BMPR1A: variants seen among roughly 807,000 people sequenced by gnomAD.
The protein encoded by BMPR1A is bone morphogenetic protein receptor type-1A.
BMPR1A carries 7 observed loss-of-function variants against 66.0 expected under a neutral mutation model. The ratio of observed to expected loss-of-function variants is 0.11; its 90% CI spans 0.06 to 0.20. The LOEUF (loss-of-function observed/expected upper bound fraction) is 0.20, where lower values mean the gene tolerates loss of function less well. Ranked by LOEUF, BMPR1A falls within the 10% of genes least tolerant of loss-of-function variation. The pLI is 1.00. For missense variants in BMPR1A, 408 were observed against 669.1 expected, an observed-to-expected ratio of 0.61 and a Z score of 4.31; for synonymous variants, 200 against 229.7, an observed-to-expected ratio of 0.87 and a Z score of 1.17.
chr10:86,892,270 G>C, intron 5 of BMPR1A, 41 bp downstream of exon 5: 2 of 1,516,912 alleles, frequency 1.3e-6, no homozygotes, highest in Non-Finnish European at 1.8e-6. Context: ...AGAAGGGAGG[G>C]GCCATATGAA....
intron 8 of BMPR1A, among the ~76,000 whole-genome samples, chr10:86,915,685 C>T (rs1338602670): frequency 2.0e-5 from 3 of 152,110 alleles, no homozygotes; most frequent in Admixed American, 2.0e-4. Flanking sequence ...CTGAGATTGG[C>T]CGCCGCACTC....
At position 86,920,108 on chromosome 10, in the gene BMPR1A, A is replaced by AG. The variant is rs1400197364; in HGVS notation, c.1166+641dup. On this transcript the variant is annotated intron_variant, in intron 10 of 12. Transcript: ENST00000372037. ...TTAAGACCCAACTGATGAACATTAA[A>AG]GGTGTCTTCAGTTGATTATGAAAAG... is the stretch of plus-strand genomic sequence containing the variant. 2.6e-5 allele frequency among the ~76,000 whole-genome samples: 4 copies of AG among 152,304 alleles called. No individual in the cohort carries two copies. In the East Asian group the frequency reaches 7.7e-4, roughly 29 times the overall value.
Position 86,858,518 on chromosome 10 carries a change from A to C in BMPR1A, c.-152-17349A>C, listed in dbSNP as rs112611138. 5.5e-3 allele frequency among the ~76,000 whole-genome samples: 838 copies of C among 152,306 alleles called. 7 individuals carry two copies. Among genetic ancestry groups the C allele is most frequent in the African/African-American group, 0.019 (793 of 41,572 alleles). On this transcript the variant is annotated intron_variant, in intron 2 of 12. Transcript: ENST00000372037. The stretch of plus-strand genomic sequence containing the variant: ...TTGGAAAGGAGGAAGTCGAATTGCC[A>C]CGATCATATATATATGTGGAAAACC...
intron 1 of BMPR1A, among the ~76,000 whole-genome samples, chr10:86,773,130 T>G (rs74153407): frequency 0.026 from 2,428 of 92,056 alleles, 76 homozygotes; most frequent in African/African-American, 0.19. Context: ...CTAGTTATCT[T>G]TTTTTTTTTT....
intron 2 of BMPR1A, among the ~76,000 whole-genome samples, chr10:86,842,677 A>T (rs915292236): frequency 1.3e-5 from 2 of 152,212 alleles, no homozygotes; most frequent in Non-Finnish European, 2.9e-5. Flanking sequence ...ACAAAGACAT[A>T]CCCAAGACTG....
At chr10:86,805,265 G>A (rs1237414788) in intron 1 of BMPR1A, among the ~76,000 whole-genome samples, 1 of 151,930 alleles carries the variant, frequency 6.6e-6, no homozygotes, top group African/African-American at 2.4e-5. Flanking sequence ...TAGAAAAGAT[G>A]TAGGAATACC....
chr10:86,923,556 T>C (rs769712062), intron 12 of BMPR1A, 38 bp from the exon 13 acceptor site: 16 of 1,614,108 alleles, frequency 9.9e-6, no homozygotes, highest in Non-Finnish European at 1.3e-5. Flanking sequence ...TGCCACCAAA[T>C]ATATTCTCTG....
At chr10:86,912,428 GA>G (rs1365825259) in intron 8 of BMPR1A, 44 bp downstream of exon 8, 4 of 1,607,342 alleles carry the variant, frequency 2.5e-6, no homozygotes, top group Non-Finnish European at 3.4e-6. Context: ...TGTTGATTTA[GA>G]ATGTGTCCTC....
At chr10:86,868,678 A>T (rs1052288080) in intron 2 of BMPR1A, among the ~76,000 whole-genome samples, 1 of 152,066 alleles carries the variant, frequency 6.6e-6, no homozygotes, top group African/African-American at 2.4e-5. Context: ...AAACTTCTCT[A>T]CTAGAAAGTG....
At chr10:86,788,899 G>T (rs747589100) in intron 1 of BMPR1A, among the ~76,000 whole-genome samples, 1 of 151,986 alleles carries the variant, frequency 6.6e-6, no homozygotes, top group Non-Finnish European at 1.5e-5. Context: ...GAGCCACTGC[G>T]CCCAGTTCTG....
At chr10:86,855,745 T>C in intron 2 of BMPR1A, 1 of 972,896 alleles carries the variant, frequency 1.0e-6, no homozygotes, top group Non-Finnish European at 1.5e-6. Context: ...CAGCTTTCTT[T>C]TTCATTATGC....
chr10:86,813,266 T>C (rs1841994030), intron 1 of BMPR1A, among the ~76,000 whole-genome samples: 1 of 152,198 alleles, frequency 6.6e-6, no homozygotes, highest in East Asian at 1.9e-4. Flanking sequence ...TCATAGTCTG[T>C]GATTTGTCCC....
chr10:86,883,475 G>A (rs1393436719), intron 3 of BMPR1A, among the ~76,000 whole-genome samples: 7 of 149,934 alleles, frequency 4.7e-5, no homozygotes, highest in East Asian at 2.0e-4. Context: ...GTGTGAACCC[G>A]GGAGGCGGAG....
intron 5 of BMPR1A, 113 bp downstream of exon 5, chr10:86,892,342 T>A: frequency 1.3e-6 from 1 of 782,612 alleles, no homozygotes; most frequent in Non-Finnish European, 2.2e-6. Context: ...TTCACATCAG[T>A]AAATATATTG....
At chr10:86,867,714 T>C (rs544224891) in intron 2 of BMPR1A, among the ~76,000 whole-genome samples, 2 of 152,202 alleles carry the variant, frequency 1.3e-5, no homozygotes, top group Non-Finnish European at 2.9e-5. Flanking sequence ...GAAAAATGTT[T>C]CAGAAACCTG....
chr10:86,801,463 A>G (rs1841809648), intron 1 of BMPR1A, among the ~76,000 whole-genome samples: 1 of 152,078 alleles, frequency 6.6e-6, no homozygotes, highest in Admixed American at 6.5e-5. Context: ...AGAGATTAAT[A>G]TCACCTAGTT....
At chr10:86,856,056 A>G (rs897696527) in intron 2 of BMPR1A, 2 of 591,968 alleles carry the variant, frequency 3.4e-6, no homozygotes, top group Admixed American at 2.0e-5. Flanking sequence ...CAAAAAACTC[A>G]GATGCTTCAT....
At chr10:86,761,390 G>A (rs1386162425) in intron 1 of BMPR1A, among the ~76,000 whole-genome samples, 1 of 152,200 alleles carries the variant, frequency 6.6e-6, no homozygotes, top group Non-Finnish European at 1.5e-5. Context: ...TGATCCAGCT[G>A]TATATAATTG....
rs370397006 is a variant in BMPR1A at position 86,839,347 on chromosome 10, C to T, written c.-153+368C>T. On this transcript the variant is annotated intron_variant, in intron 2 of 12. Coordinates refer to ENST00000372037, the MANE Select transcript of BMPR1A (RefSeq NM_004329.3). ...GCCAGGTGTGCCTGTAATCCCAGCACTTTGGGAGGCTGAGGCAGGTGGGTC... is the reference window on the plus strand; with the variant it reads ...GCCAGGTGTGCCTGTAATCCCAGCATTTTGGGAGGCTGAGGCAGGTGGGTC... 1.2e-4 allele frequency among the ~76,000 whole-genome samples: 19 copies of T among 152,232 alleles called. No homozygotes were observed. In the East Asian group the frequency reaches 1.4e-3, roughly 11 times the overall value.
Sources: gnomAD v4.1 joint callset for allele counts (sites outside exome capture counted in the v4.1 genomes callset) on GRCh38, gnomAD v4.1.1 for gene constraint, MANE v1.5 for transcripts, NCBI Gene and HGNC (gene_info 2026-07-23, HGNC 2026-07-21) for gene names.